Variants in XPO5 observed in about 807,000 individuals in gnomAD.
XPO5 encodes exportin 5, also known as exportin-5.
In XPO5, 46 loss-of-function variants were observed where a neutral mutation model predicts 160.6. The ratio of observed to expected loss-of-function variants is 0.29; its 90% CI spans 0.23 to 0.37. The LOEUF is 0.37. XPO5 is among the 10% of genes least tolerant of loss of function. The probability of loss-of-function intolerance (pLI) is 1.00; values close to 1 mark genes in which losing one functional copy is unlikely to be tolerated. For missense variants in XPO5, 1,090 were observed against 1,463.9 expected, an observed-to-expected ratio of 0.74 and a Z score of 4.17; for synonymous variants, 537 against 519.3, an observed-to-expected ratio of 1.03 and a Z score of -0.46.
At chr6:43,529,784 G>C (rs1004451023) in intron 23 of XPO5, among the ~76,000 whole-genome samples, 1 of 151,782 alleles carries the variant, frequency 6.6e-6, no homozygotes, top group South Asian at 2.1e-4. Flanking sequence ...AGCTGGGTGT[G>C]GTGGTGCGCA....
At chr6:43,524,397 A>G in intron 31 of XPO5, 74 bp downstream of exon 31, 3 of 1,524,442 alleles carry the variant, frequency 2.0e-6, no homozygotes, top group Non-Finnish European at 2.6e-6. Context: ...CAATAACTAC[A>G]GCTGGTTTAT....
At chr6:43,556,064 A>C (rs907366370) in intron 12 of XPO5, 100 bp from the exon 13 acceptor site, 53 of 1,488,088 alleles carry the variant, frequency 3.6e-5, no homozygotes, top group Non-Finnish European at 4.6e-5. Flanking sequence ...AAAAGCATTC[A>C]AAGGAACTGT....
rs539753631 is a variant in XPO5, at chr6:43,553,205, G to A, written c.1572+168C>T. On this transcript the variant is annotated intron_variant, in intron 14 of 31. Coordinates refer to ENST00000265351, the MANE Select transcript of XPO5 (RefSeq NM_020750.3). ...TAGTTCTAGATCCTCAGGAGCCTGA[G>A]GTAGGAGGATTGCTTGAGCCCAGGA... Among the ~76,000 whole-genome samples, 12 of 152,274 alleles carry A rather than the reference G, an allele frequency of 7.9e-5. No individual in the cohort carries two copies. In the South Asian group the frequency reaches 2.5e-3, roughly 32 times the overall value.
Position 43,548,310 on chromosome 6 carries a change from C to T in XPO5, c.2011G>A (p.Glu671Lys). Residue 671 changes from glutamate to lysine, a missense_variant, in exon 18 of 32, where the codon GAG becomes AAG. By Grantham distance (56) the Glu-to-Lys change is moderately conservative. Around this residue, in one of 3 missense-constraint regions of XPO5, gnomAD observed 810 missense variants for 1,139.0 expected, o/e 0.71. Coordinates refer to ENST00000265351, the MANE Select transcript of XPO5 (RefSeq NM_020750.3). ...ATGCTGGCCACTGGTGCCATCAGCT[C>T]CTCTAGGAACACCTTCTGACGCTCG... ...NYERQKVFLE[E>K]LMAPVASIWL... 2 of 1,613,356 alleles carry T rather than the reference C, an allele frequency of 1.2e-6. No individual in the cohort carries two copies. Among genetic ancestry groups the T allele is most frequent in the Non-Finnish European group, 1.7e-6 (2 of 1,179,510 alleles).
chr6:43,525,853 G>C lies in XPO5; in HGVS notation c.3052C>G (p.Leu1018Val), dbSNP rs1344694979. ...CTTCTACCCACCTCATGCTTCATCA[G>C]ACATTTGCCCAGGTCTGTAAGCTCT... The part of the protein sequence containing the change: ...MAELTDLGKC[L>V]MKHEDVCTAL... The change falls in exon 28 of 32, where the codon CTG becomes GTG. Residue 1018 changes from leucine to valine, a missense_variant. Coordinates refer to ENST00000265351, the MANE Select transcript of XPO5 (RefSeq NM_020750.3). 1 of 1,614,056 alleles carries C rather than the reference G, an allele frequency of 6.2e-7. No homozygotes were observed. The highest frequency in any genetic ancestry group is 1.1e-5 in the South Asian group (1 of 91,080).
chr6:43,572,621 G>A, intron 2 of XPO5, 43 bp from the exon 3 acceptor site: 1 of 1,576,516 alleles, frequency 6.3e-7, no homozygotes, highest in Non-Finnish European at 8.7e-7. Flanking sequence ...CACTTTAGAA[G>A]TCTTGTCTTT....
At chr6:43,533,065 G>A (rs1293448060) in intron 21 of XPO5, among the ~76,000 whole-genome samples, 4 of 152,130 alleles carry the variant, frequency 2.6e-5, no homozygotes, top group Non-Finnish European at 5.9e-5. Context: ...AACCTGGAAG[G>A]CAGAGGTTGC....
chr6:43,563,428 C>T (rs1762513169), intron 8 of XPO5, among the ~76,000 whole-genome samples: 2 of 152,148 alleles, frequency 1.3e-5, no homozygotes, highest in Admixed American at 6.6e-5. Flanking sequence ...AGCCATTGGG[C>T]CCGGCCTTGC....
At chr6:43,558,653 G>T in intron 11 of XPO5, 62 bp from the exon 12 acceptor site, 1 of 1,286,096 alleles carries the variant, frequency 7.8e-7, no homozygotes, top group Non-Finnish European at 1.1e-6. Flanking sequence ...GAGTTTTTAA[G>T]CTTCAGGAGT....
intron 1 of XPO5, 106 bp downstream of exon 1, chr6:43,575,654 C>G (rs1349364494): frequency 1.9e-6 from 2 of 1,046,116 alleles, no homozygotes; most frequent in Non-Finnish European, 2.8e-6. Flanking sequence ...AAAGGAGGTC[C>G]AGGGGCCGCG....
chr6:43,546,095 A>C (rs769897963), intron 20 of XPO5, among the ~76,000 whole-genome samples: 14 of 152,172 alleles, frequency 9.2e-5, no homozygotes, highest in Non-Finnish European at 2.1e-4. Flanking sequence ...TGAAAAATTT[A>C]TAATTCCTTT....
Position 43,523,732 on chromosome 6 carries a change from G to T in XPO5, c.*136C>A. The T allele has an allele frequency of 7.0e-7, 1 of 1,423,738 alleles. No homozygotes were observed. The highest frequency in any genetic ancestry group is 9.9e-7 in the Non-Finnish European group (1 of 1,007,192). The allele number at this position is 1,423,738 out of a possible 1,614,324, so 88.2% of individuals were successfully genotyped here. A position where few individuals can be genotyped will look rare whatever the true frequency, so the allele number is the denominator to read the frequency against. On this transcript the variant is annotated 3_prime_UTR_variant, in exon 32 of 32. Coordinates refer to ENST00000265351, the MANE Select transcript of XPO5 (RefSeq NM_020750.3). ...TCCTGCACAGGGCCTGTTCTCTCCA[G>T]CTCCAGACCTGGATCTCTTTCCAGG...
chr6:43,556,866 C>T lies in XPO5; in HGVS notation c.1313-902G>A, dbSNP rs566741193. Among the ~76,000 whole-genome samples, 15 of 152,266 alleles carry T rather than the reference C, an allele frequency of 9.9e-5. No homozygotes were observed. In the South Asian group the frequency reaches 2.3e-3, roughly 23 times the overall value. ...AATGAAGGCCGGGTGTGGTGGCTCA[C>T]GCCTATAATCCAGCACTTTGGGACG... On this transcript the variant is annotated intron_variant, in intron 12 of 31. Transcript: ENST00000265351.
chr6:43,548,964 T>C lies in XPO5; in HGVS notation c.1861-504A>G, dbSNP rs113143589. On this transcript the variant is annotated intron_variant, in intron 17 of 31. Transcript: ENST00000265351. ...AATTATAGGGGTAAACTTAGTAATCTATATGGCAGAGAACTATTTGTATTT... is the reference window on the plus strand; with the variant it reads ...AATTATAGGGGTAAACTTAGTAATCCATATGGCAGAGAACTATTTGTATTT... Among the ~76,000 whole-genome samples the C allele has an allele frequency of 3.7e-4, 57 of 152,306 alleles. 1 individual carries two copies. The highest frequency in any genetic ancestry group is 3.4e-3 in the Middle Eastern group (1 of 294).
chr6:43,559,662 A>C (rs900417403), intron 11 of XPO5, among the ~76,000 whole-genome samples: 1 of 152,214 alleles, frequency 6.6e-6, no homozygotes, highest in Non-Finnish European at 1.5e-5. Flanking sequence ...TTGCCCTAGC[A>C]CCTAGCCCAA....
At chr6:43,563,777 C>A (rs1159272733) in intron 8 of XPO5, among the ~76,000 whole-genome samples, 1 of 152,086 alleles carries the variant, frequency 6.6e-6, no homozygotes, top group African/African-American at 2.4e-5. Context: ...GATGGTATAC[C>A]TGTAGAAGGC....
Position 43,530,935 on chromosome 6 carries a change from G to A in XPO5, c.2541-111C>T, listed in dbSNP as rs7769795. ...CTACAATAAGGTTTTTCAGCCAGAAGAGCAGTTGTATTTACTTAAGAGAAC... is the reference window on the plus strand; with the variant it reads ...CTACAATAAGGTTTTTCAGCCAGAAAAGCAGTTGTATTTACTTAAGAGAAC... On this transcript the variant is annotated intron_variant, in intron 22 of 31. Transcript: ENST00000265351. 116,606 of 1,362,790 alleles carry A rather than the reference G, an allele frequency of 0.086. 11,318 individuals carry two copies. Among genetic ancestry groups the A allele is most frequent in the African/African-American group, 0.49 (33,210 of 68,308 alleles). 84.4% of individuals were successfully genotyped at this position (1,362,790 alleles called of 1,614,324 possible).
At chr6:43,560,567 G>C (rs963392445) in intron 10 of XPO5, among the ~76,000 whole-genome samples, 5 of 152,210 alleles carry the variant, frequency 3.3e-5, no homozygotes, top group African/African-American at 1.2e-4. Context: ...TGGAATCTCA[G>C]AGTGATATTA....
chr6:43,550,128 G>A (rs925388148), intron 15 of XPO5, among the ~76,000 whole-genome samples, 194 bp from the exon 16 acceptor site: 1 of 152,080 alleles, frequency 6.6e-6, no homozygotes, highest in African/African-American at 2.4e-5. Flanking sequence ...AAGAGTCATC[G>A]GAGTCACAAT....
Sources: allele counts gnomAD v4.1 joint callset (sites outside exome capture counted in the v4.1 genomes callset), GRCh38; gene constraint gnomAD v4.1.1; regional missense constraint gnomAD v4.1.1; transcripts MANE v1.5; gene names NCBI Gene and HGNC (gene_info 2026-07-23, HGNC 2026-07-21).